MBP: variants seen among roughly 807,000 people sequenced by gnomAD.
MBP encodes the protein Golli-MBP.
In MBP, 16 loss-of-function variants were observed where a neutral mutation model predicts 35.8. The observed-to-expected ratio is 0.45, with a 90% CI of 0.30 to 0.68. The LOEUF (loss-of-function observed/expected upper bound fraction) is 0.68, where lower values mean the gene tolerates loss of function less well. Ranked by LOEUF, MBP falls within the 30% of genes least tolerant of loss-of-function variation. The pLI is 0.08. For synonymous variants in MBP, 143 were observed against 159.6 expected, an observed-to-expected ratio of 0.90 and a Z score of 0.78; for missense variants, 380 against 404.7, an observed-to-expected ratio of 0.94 and a Z score of 0.52.
intron 2 of MBP, among the ~76,000 whole-genome samples, chr18:77,092,271 C>CCGT (rs1568335739): frequency 1.3e-5 from 2 of 152,246 alleles, no homozygotes; most frequent in Non-Finnish European, 2.9e-5. Flanking sequence ...AAGCAGCTCC[C>CCGT]CGTCGGGCTG....
At chr18:77,072,870 C>T (rs1974507136) in intron 2 of MBP, among the ~76,000 whole-genome samples, 1 of 152,200 alleles carries the variant, frequency 6.6e-6, no homozygotes. Context: ...CTGCAAATGG[C>T]ACATTTCTCT....
intron 3 of MBP, among the ~76,000 whole-genome samples, chr18:77,059,009 C>G (rs894520002): frequency 2.3e-4 from 1 of 4,278 alleles, no homozygotes; most frequent in African/African-American, 2.5e-4. Flanking sequence ...TGGAAGCGTG[C>G]TGGGGAAATA....
At chr18:77,071,669 A>AC (rs1277501492) in intron 2 of MBP, among the ~76,000 whole-genome samples, 1 of 152,164 alleles carries the variant, frequency 6.6e-6, no homozygotes, top group Admixed American at 6.5e-5. Flanking sequence ...CATCCTCAGT[A>AC]CCTTGCCACT....
intron 2 of MBP, among the ~76,000 whole-genome samples, chr18:77,081,819 T>TATAC (rs1555726071): frequency 1.4e-4 from 11 of 76,296 alleles, no homozygotes; most frequent in African/African-American, 4.1e-4. Context: ...CACACATATA[T>TATAC]ACACACACAC....
chr18:77,054,199 A>G (rs470291), intron 3 of MBP, among the ~76,000 whole-genome samples: 126,455 of 152,272 alleles, frequency 0.83, 52,803 homozygotes, highest in East Asian at 0.95. Flanking sequence ...TCGCTGAGCT[A>G]TGATGTGAGT....
At chr18:77,105,862 AACC>A (rs1328076653) in intron 1 of MBP, among the ~76,000 whole-genome samples, 2 of 152,234 alleles carry the variant, frequency 1.3e-5, no homozygotes, top group African/African-American at 2.4e-5. Flanking sequence ...TGGATTTAAA[AACC>A]ACATTACTCC....
chr18:76,988,686 C>T lies in MBP; in HGVS notation c.718-159G>A. On this transcript the variant is annotated intron_variant, in intron 6 of 8. Coordinates refer to ENST00000355994, the MANE Select transcript of MBP (RefSeq NM_001025101.2). The surrounding 1 kb of genome is among the most constrained non-coding windows in gnomAD (Gnocchi z 5.2). ...GGCCGCAGGCTCAGGGCCACAGCGG[C>T]TGTGCAGGTGCGGGAGGGACAGGAG... is the stretch of plus-strand genomic sequence containing the variant. 2 of 1,428,980 alleles carry T rather than the reference C, an allele frequency of 1.4e-6. No individual in the cohort carries two copies. Among genetic ancestry groups the T allele is most frequent in the Admixed American group, 2.2e-5 (1 of 45,396 alleles). 88.5% of individuals were successfully genotyped at this position (1,428,980 alleles called of 1,614,324 possible).
intron 2 of MBP, among the ~76,000 whole-genome samples, chr18:77,103,676 G>A (rs1254810336): frequency 2.0e-5 from 3 of 152,202 alleles, no homozygotes; most frequent in Admixed American, 6.5e-5. Flanking sequence ...TGTGCACACT[G>A]GCAGGCTTAC....
chr18:77,067,581 G>C (rs936043729), intron 2 of MBP, among the ~76,000 whole-genome samples: 1 of 152,292 alleles, frequency 6.6e-6, no homozygotes, highest in East Asian at 1.9e-4. Context: ...AGTATTTCTG[G>C]AGGAGGAATG....
chr18:77,000,689 C>G (rs1970580956), intron 4 of MBP, among the ~76,000 whole-genome samples: 1 of 152,210 alleles, frequency 6.6e-6, no homozygotes, highest in African/African-American at 2.4e-5. Context: ...CTCCAGAAAT[C>G]AGGAAGAGGG....
At chr18:77,055,722 T>C (rs866094224) in intron 3 of MBP, among the ~76,000 whole-genome samples, 28 of 152,276 alleles carry the variant, frequency 1.8e-4, no homozygotes, top group Middle Eastern at 3.4e-3. Flanking sequence ...TGTTTTGTTT[T>C]CAGGTAAAGC....
intron 2 of MBP, among the ~76,000 whole-genome samples, chr18:77,073,693 T>C (rs1229884908): frequency 6.6e-6 from 1 of 152,184 alleles, no homozygotes; most frequent in Non-Finnish European, 1.5e-5. Context: ...CTGGAAAAAA[T>C]AGTCCAGAAT....
At chr18:77,094,130 C>T (rs1379068861) in intron 2 of MBP, among the ~76,000 whole-genome samples, 1 of 152,104 alleles carries the variant, frequency 6.6e-6, no homozygotes, top group Non-Finnish European at 1.5e-5. Context: ...GTGTTCACCA[C>T]TACACCTGGC....
intron 3 of MBP, among the ~76,000 whole-genome samples, chr18:77,057,057 T>C (rs1401870553): frequency 2.0e-5 from 3 of 152,160 alleles, no homozygotes; most frequent in Non-Finnish European, 4.4e-5. Context: ...CCCCAAGAAC[T>C]GCCTGGGTAC....
At position 76,989,918 on chromosome 18, in the gene MBP, C is replaced by T. The variant is rs1418826763; in HGVS notation, c.681+38G>A. On this transcript the variant is annotated intron_variant, in intron 5 of 8. Transcript: ENST00000355994. This position sits in a 1 kb window ranked among gnomAD's most constrained non-coding sequence, Gnocchi z 4.0. ...GCAGTGGCCAGCACCCCTCCTCCCCCTCACAGTTGCTACCTCTTCCCATCG... is the reference window on the plus strand; with the variant it reads ...GCAGTGGCCAGCACCCCTCCTCCCCTTCACAGTTGCTACCTCTTCCCATCG... 5 of 1,554,710 alleles carry T rather than the reference C, an allele frequency of 3.2e-6. No individual in the cohort carries two copies. Among genetic ancestry groups the T allele is most frequent in the African/African-American group, 1.4e-5 (1 of 73,466 alleles).
intron 2 of MBP, among the ~76,000 whole-genome samples, chr18:77,084,141 A>G (rs1208995719): frequency 3.3e-5 from 5 of 151,994 alleles, no homozygotes; most frequent in Non-Finnish European, 5.9e-5. Flanking sequence ...CACAGACAAC[A>G]TTACTTAGAT....
intron 1 of MBP, chr18:77,115,659 G>A (rs1976637233): frequency 6.6e-6 from 1 of 152,234 alleles, no homozygotes; most frequent in Non-Finnish European, 1.5e-5. Context: ...ATTTTACTGG[G>A]TGACTGCCTT....
intron 8 of MBP, chr18:76,984,077 G>A (rs752099516): frequency 6.6e-6 from 1 of 152,154 alleles, no homozygotes; most frequent in African/African-American, 2.4e-5. Flanking sequence ...TTTGCTTAAT[G>A]AGAGCCGCTG....
chr18:77,045,459 G>A (rs1260182335), intron 3 of MBP, among the ~76,000 whole-genome samples: 3 of 151,890 alleles, frequency 2.0e-5, no homozygotes, highest in Non-Finnish European at 2.9e-5. Context: ...GAACTGACCC[G>A]CTGCAGCGGC....
Sources: gnomAD v4.1 joint callset for allele counts (sites outside exome capture counted in the v4.1 genomes callset) on GRCh38, gnomAD v4.1.1 for gene constraint, Gnocchi (gnomAD v3.1) non-coding constraint, MANE v1.5 for transcripts, NCBI Gene and HGNC (gene_info 2026-07-23, HGNC 2026-07-21) for gene names.